Variants in CACNA2D3 observed in about 807,000 individuals in gnomAD.
CACNA2D3 encodes voltage-dependent calcium channel subunit alpha-2/delta-3.
Under a neutral mutation model 160.6 loss-of-function variants are expected in CACNA2D3, and 60 were observed. That is an observed-to-expected ratio of 0.37 (90% confidence interval 0.30 to 0.46). CACNA2D3 has a LOEUF of 0.46. Ranked by LOEUF, CACNA2D3 falls within the 20% of genes least tolerant of loss-of-function variation. CACNA2D3 has a pLI of 1.00. For synonymous variants in CACNA2D3, 558 were observed against 492.9 expected (o/e 1.13, Z -1.75); for missense variants, 1,205 against 1,365.0 (o/e 0.88, Z 1.85).
At chr3:54,897,878 T>G (rs1559621625) in intron 26 of CACNA2D3, among the ~76,000 whole-genome samples, 2 of 152,210 alleles carry the variant, frequency 1.3e-5, no homozygotes, top group Non-Finnish European at 2.9e-5. Context: ...TGGACATATT[T>G]AAGGAGAGGC....
intron 4 of CACNA2D3, among the ~76,000 whole-genome samples, chr3:54,465,979 C>G (rs1030467957): frequency 1.3e-5 from 2 of 152,134 alleles, no homozygotes; most frequent in African/African-American, 4.8e-5. Context: ...TCCCCCCTGC[C>G]TTGCTGGTTG....
chr3:54,340,927 C>T (rs186831578), intron 3 of CACNA2D3, among the ~76,000 whole-genome samples: 153 of 152,316 alleles, frequency 1.0e-3, no homozygotes, highest in African/African-American at 3.0e-3. Context: ...GCTCTGGTCT[C>T]GTCACTGACC....
At chr3:54,413,393 T>G (rs1007000909) in intron 4 of CACNA2D3, among the ~76,000 whole-genome samples, 3 of 144,346 alleles carry the variant, frequency 2.1e-5, no homozygotes, top group African/African-American at 5.3e-5. Flanking sequence ...GATGCATATA[T>G]ATATCTATAT....
At chr3:54,610,558 C>G (rs968294085) in intron 9 of CACNA2D3, among the ~76,000 whole-genome samples, 3 of 152,030 alleles carry the variant, frequency 2.0e-5, no homozygotes, top group Non-Finnish European at 4.4e-5. Context: ...CAGACTAGAT[C>G]TGACTGTATC....
chr3:54,810,411 CA>C (rs1703274186), intron 13 of CACNA2D3, among the ~76,000 whole-genome samples: 1 of 152,154 alleles, frequency 6.6e-6, no homozygotes, highest in Non-Finnish European at 1.5e-5. Context: ...GAGTTTGAGC[CA>C]TTTAACAGAA....
chr3:54,548,747 A>G (rs1353775878), intron 5 of CACNA2D3, among the ~76,000 whole-genome samples: 1 of 152,166 alleles, frequency 6.6e-6, no homozygotes, highest in Admixed American at 6.5e-5. Context: ...ATGACAGCAG[A>G]CCTGTGGGCA....
chr3:54,980,010 A>AT (rs139054221), intron 29 of CACNA2D3, among the ~76,000 whole-genome samples: 5,144 of 152,308 alleles, frequency 0.034, 319 homozygotes, highest in African/African-American at 0.12. Context: ...ACTTCTTATA[A>AT]TTTTGGAACA....
intron 3 of CACNA2D3, among the ~76,000 whole-genome samples, chr3:54,380,275 A>T (rs1348719946): frequency 6.6e-6 from 1 of 152,104 alleles, no homozygotes; most frequent in East Asian, 1.9e-4. Flanking sequence ...TCCGTGATGG[A>T]TTGAGTTTGA....
chr3:54,899,455 A>G (rs577626640), intron 26 of CACNA2D3, among the ~76,000 whole-genome samples: 1 of 152,346 alleles, frequency 6.6e-6, no homozygotes, highest in Non-Finnish European at 1.5e-5. Context: ...GACCACTGAC[A>G]CAAGTAAACA....
intron 17 of CACNA2D3, among the ~76,000 whole-genome samples, chr3:54,856,069 T>A (rs1210418941): frequency 6.6e-6 from 1 of 152,222 alleles, no homozygotes; most frequent in Non-Finnish European, 1.5e-5. Context: ...TCCTCTGTGC[T>A]GCAAGTAGCA....
chr3:54,404,670 G>T (rs9880860), intron 4 of CACNA2D3, among the ~76,000 whole-genome samples: 51,013 of 151,870 alleles, frequency 0.34, 8,858 homozygotes, highest in East Asian at 0.41. Context: ...GCTTTCAGAT[G>T]GGAACAAAAG....
intron 11 of CACNA2D3, among the ~76,000 whole-genome samples, chr3:54,750,411 A>T (rs1179211640): frequency 6.6e-6 from 1 of 152,194 alleles, no homozygotes; most frequent in Non-Finnish European, 1.5e-5. Context: ...GAAATTAAAG[A>T]CAAAGATTTA....
At chr3:54,575,858 C>T (rs1236973526) in intron 8 of CACNA2D3, among the ~76,000 whole-genome samples, 1 of 152,082 alleles carries the variant, frequency 6.6e-6, no homozygotes, top group Non-Finnish European at 1.5e-5. Flanking sequence ...GTGCCATTTG[C>T]AGGTGTAAGA....
chr3:54,283,035 A>G (rs545612131), intron 2 of CACNA2D3, among the ~76,000 whole-genome samples: 16 of 152,308 alleles, frequency 1.1e-4, no homozygotes, highest in Non-Finnish European at 2.4e-4. Context: ...CGTACTTTAC[A>G]TGATCCTAAA....
At chr3:54,927,581 T>C (rs780279966) in intron 27 of CACNA2D3, among the ~76,000 whole-genome samples, 7 of 152,154 alleles carry the variant, frequency 4.6e-5, no homozygotes, top group African/African-American at 7.2e-5. Context: ...TTGTAGCCAA[T>C]TTGTTCATTC....
intron 31 of CACNA2D3, among the ~76,000 whole-genome samples, chr3:55,003,807 G>A (rs1460476853): frequency 6.6e-6 from 1 of 152,170 alleles, no homozygotes; most frequent in Admixed American, 6.5e-5. Context: ...TCTGGTGAAT[G>A]AAATGTCAGG....
intron 3 of CACNA2D3, among the ~76,000 whole-genome samples, chr3:54,378,468 A>G (rs1162650323): frequency 6.6e-6 from 1 of 152,190 alleles, no homozygotes; most frequent in Non-Finnish European, 1.5e-5. Flanking sequence ...GTACTGGTCC[A>G]TGCTGGGGGT....
intron 13 of CACNA2D3, among the ~76,000 whole-genome samples, chr3:54,781,040 ATGT>A (rs1175873524): frequency 4.6e-5 from 7 of 152,314 alleles, no homozygotes; most frequent in African/African-American, 7.2e-5. Context: ...TATTTAGAAA[ATGT>A]TGTGGTTTTG....
chr3:54,783,878 C>T (rs1702580134), intron 13 of CACNA2D3, among the ~76,000 whole-genome samples: 1 of 152,104 alleles, frequency 6.6e-6, no homozygotes, highest in Admixed American at 6.5e-5. Context: ...TTTTAAATAT[C>T]TTGGAATTTG....
Sources: gnomAD v4.1 joint callset for allele counts (sites outside exome capture counted in the v4.1 genomes callset) on GRCh38, gnomAD v4.1.1 for gene constraint, MANE v1.5 for transcripts, NCBI Gene and HGNC (gene_info 2026-07-23, HGNC 2026-07-21) for gene names.